RBFOX1: variants seen among roughly 807,000 people sequenced by gnomAD.
The protein encoded by RBFOX1 is RNA binding fox-1 homolog 1, also known as RNA binding protein fox-1 homolog 1.
In RBFOX1, 8 loss-of-function variants were observed where a neutral mutation model predicts 57.7. The observed-to-expected ratio is 0.14, with a 90% CI of 0.08 to 0.25. The LOEUF is 0.25. Among genes scored for constraint, RBFOX1 ranks in the 10% least tolerant of loss-of-function variants. The probability of loss-of-function intolerance (pLI) is 1.00; values close to 1 mark genes in which losing one functional copy is unlikely to be tolerated. For synonymous variants in RBFOX1, 326 were observed against 222.4 expected (o/e 1.47, Z -4.15); for missense variants, 611 against 548.5 (o/e 1.11, Z -1.14).
intron 4 of RBFOX1, among the ~76,000 whole-genome samples, chr16:7,373,942 T>C (rs1374709777): frequency 1.3e-5 from 2 of 152,204 alleles, no homozygotes; most frequent in Admixed American, 1.3e-4. Context: ...CCCTTTGCAA[T>C]GAAACTGTAT....
chr16:6,261,916 G>C (rs2097703858), intron 1 of RBFOX1, among the ~76,000 whole-genome samples: 1 of 152,028 alleles, frequency 6.6e-6, no homozygotes, highest in Non-Finnish European at 1.5e-5. Flanking sequence ...GATAATCCCA[G>C]ATACTTGGGA....
chr16:6,999,645 C>A (rs1237528488), intron 3 of RBFOX1, among the ~76,000 whole-genome samples: 1 of 152,074 alleles, frequency 6.6e-6, no homozygotes, highest in African/African-American at 2.4e-5. Context: ...TAATCTTCTT[C>A]TCCCTTCCCC....
At chr16:5,715,885 G>A (rs1434695026) in intron 3 of RBFOX1, among the ~76,000 whole-genome samples, 1 of 152,188 alleles carries the variant, frequency 6.6e-6, no homozygotes, top group Non-Finnish European at 1.5e-5. Context: ...ACAAATATTT[G>A]TTGAGTGGTG....
intron 1 of RBFOX1, among the ~76,000 whole-genome samples, chr16:5,346,598 C>G (rs1255990391): frequency 3.3e-5 from 5 of 152,196 alleles, no homozygotes; most frequent in Admixed American, 3.3e-4. Context: ...TTTGCTTTTT[C>G]CTGTATGCAC....
intron 3 of RBFOX1, among the ~76,000 whole-genome samples, chr16:6,882,539 T>G (rs891597764): frequency 6.6e-6 from 1 of 152,124 alleles, no homozygotes; most frequent in African/African-American, 2.4e-5. Context: ...GAGGTTGCAG[T>G]GAGCTGAGAT....
At chr16:7,279,793 A>T (rs2095506431) in intron 4 of RBFOX1, among the ~76,000 whole-genome samples, 2 of 152,214 alleles carry the variant, frequency 1.3e-5, no homozygotes, top group South Asian at 4.1e-4. Context: ...TCTTATGTGA[A>T]ATCCCACAAG....
At chr16:6,771,971 A>C (rs79579459) in intron 3 of RBFOX1, among the ~76,000 whole-genome samples, 4,590 of 152,250 alleles carry the variant, frequency 0.03, 94 homozygotes, top group Non-Finnish European at 0.043. Context: ...AAGATCCTCA[A>C]AATAATTGAA....
rs116354474 is a variant in RBFOX1, at chr16:6,537,060, C to G, written c.-63-117543C>G. On this transcript the variant is annotated intron_variant, in intron 2 of 15. Transcript: ENST00000550418. Reference sequence around the variant, plus strand: ...GAAGAATAGCTATAGCTCCTCTCAGCTCTGGTATAGGAAACATGCTCTAAT... The same window carrying G: ...GAAGAATAGCTATAGCTCCTCTCAGGTCTGGTATAGGAAACATGCTCTAAT... Among the ~76,000 whole-genome samples the G allele has an allele frequency of 2.5e-3, 375 of 152,276 alleles. 2 individuals carry two copies. Among genetic ancestry groups the G allele is most frequent in the African/African-American group, 8.3e-3 (346 of 41,564 alleles).
At chr16:5,906,766 G>A (rs978768216) in intron 4 of RBFOX1, among the ~76,000 whole-genome samples, 5 of 114,812 alleles carry the variant, frequency 4.4e-5, no homozygotes, top group South Asian at 3.1e-4. Flanking sequence ...ATGGAGTCTC[G>A]CACTGTCTTC....
chr16:6,922,588 T>A (rs529207408), intron 3 of RBFOX1, among the ~76,000 whole-genome samples: 4 of 152,226 alleles, frequency 2.6e-5, no homozygotes, highest in Non-Finnish European at 4.4e-5. Context: ...GTGTGTGGAA[T>A]AAATGAACAT....
chr16:6,801,284 C>A (rs1378776363), intron 3 of RBFOX1, among the ~76,000 whole-genome samples: 1 of 151,118 alleles, frequency 6.6e-6, no homozygotes, highest in Non-Finnish European at 1.5e-5. Context: ...ATGATTTTGT[C>A]CTTTAGAACA....
intron 2 of RBFOX1, among the ~76,000 whole-genome samples, chr16:6,561,268 C>G (rs1267290315): frequency 2.0e-5 from 3 of 152,110 alleles, no homozygotes; most frequent in Admixed American, 6.5e-5. Context: ...CACAGCAGAC[C>G]AGAATGTTAC....
intron 11 of RBFOX1, 115 bp from the exon 12 acceptor site, chr16:7,653,700 G>T (rs1336913849): frequency 3.5e-6 from 5 of 1,435,322 alleles, no homozygotes; most frequent in Non-Finnish European, 3.7e-6. Context: ...GGAAGCGGGC[G>T]GGGGTCCTGC....
At position 7,117,199 on chromosome 16, in the gene RBFOX1, C is replaced by T. The variant is rs537568985; in HGVS notation, c.27+65101C>T. 2.6e-5 allele frequency among the ~76,000 whole-genome samples: 4 copies of T among 152,226 alleles called. 1 individual carries two copies. The Middle Eastern group carries it at 0.01, about 388-fold the overall frequency. ...GTGGCAGGTTGGAAGACTAGCTAAG[C>T]ATTTTGGGCTTTGTAACAAGGGCAT... On this transcript the variant is annotated intron_variant, in intron 4 of 15. Transcript: ENST00000550418.
At chr16:6,971,985 C>A (rs928023451) in intron 3 of RBFOX1, among the ~76,000 whole-genome samples, 7 of 152,112 alleles carry the variant, frequency 4.6e-5, no homozygotes, top group Non-Finnish European at 8.8e-5. Context: ...ACAGGCAATC[C>A]CTGCACGCAA....
intron 4 of RBFOX1, among the ~76,000 whole-genome samples, chr16:5,908,558 G>T (rs1357365055): frequency 1.3e-5 from 2 of 151,818 alleles, no homozygotes; most frequent in East Asian, 3.9e-4. Context: ...TCACCATATT[G>T]GCCTGGCTGG....
rs530738071 is a variant in RBFOX1, at chr16:5,271,402, C to G, written c.219+31297C>G. Among the ~76,000 whole-genome samples, 245 of 152,310 alleles carry G rather than the reference C, an allele frequency of 1.6e-3. 1 individual carries two copies. The highest frequency in any genetic ancestry group is 5.5e-3 in the African/African-American group (229 of 41,562). On this transcript the variant is annotated intron_variant, in intron 1 of 2. Coordinates refer to the RBFOX1 transcript ENST00000585867. ...ATACACATACATACATACCCAGGCT[C>G]TACCTCCGGTGATTCCGACTCAGTA...
rs2098453610 is a variant in RBFOX1 at position 6,637,448 on chromosome 16, A to T, written c.-63-17155A>T. Reference sequence around the variant, plus strand: ...AAATATATTATATAAATATATGTAAATGTATATAATATGTATTATATATTA... The same window carrying T: ...AAATATATTATATAAATATATGTAATTGTATATAATATGTATTATATATTA... On this transcript the variant is annotated intron_variant, in intron 2 of 15. Transcript: ENST00000550418. Among the ~76,000 whole-genome samples the T allele has an allele frequency of 2.1e-5, 2 of 94,578 alleles. 1 individual carries two copies. The highest frequency in any genetic ancestry group is 7.9e-5 in the African/African-American group (2 of 25,244). The allele number at this position is 94,578 out of a possible 152,430, so 62.0% of individuals were successfully genotyped here. A position where few individuals can be genotyped will look rare whatever the true frequency, so the allele number is the denominator to read the frequency against.
At chr16:6,158,486 A>C (rs1447777205) in intron 1 of RBFOX1, among the ~76,000 whole-genome samples, 1 of 152,170 alleles carries the variant, frequency 6.6e-6, no homozygotes, top group African/African-American at 2.4e-5. Flanking sequence ...TAAAACTCAG[A>C]TTTGAATTTT....
Sources: allele counts gnomAD v4.1 joint callset (sites outside exome capture counted in the v4.1 genomes callset), GRCh38; gene constraint gnomAD v4.1.1; transcripts MANE v1.5; gene names NCBI Gene and HGNC (gene_info 2026-07-23, HGNC 2026-07-21).